The following CNTNAP4 variants were observed in gnomAD, a reference collection of about 807,000 sequenced individuals.
CNTNAP4 encodes the protein contactin associated protein family member 4.
CNTNAP4 carries 98 observed loss-of-function variants against 148.4 expected under a neutral mutation model. That is an observed-to-expected ratio of 0.66 (90% CI 0.56 to 0.78). CNTNAP4 has a LOEUF of 0.78. Among genes scored for constraint, CNTNAP4 ranks in the 30% least tolerant of loss-of-function variants. The probability of loss-of-function intolerance (pLI) is 0.00; values close to 1 mark genes in which losing one functional copy is unlikely to be tolerated. For synonymous variants in CNTNAP4, 730 were observed against 565.1 expected, an observed-to-expected ratio of 1.29 and a Z score of -4.14; for missense variants, 1,935 against 1,565.6, an observed-to-expected ratio of 1.24 and a Z score of -3.98.
At chr16:76,384,100 G>T (rs1388702295) in intron 3 of CNTNAP4, among the ~76,000 whole-genome samples, 1 of 151,974 alleles carries the variant, frequency 6.6e-6, no homozygotes, top group East Asian at 1.9e-4. Flanking sequence ...CTGGAGTGCA[G>T]TGGCACTATC....
At chr16:76,389,788 C>G (rs1412886782) in intron 3 of CNTNAP4, among the ~76,000 whole-genome samples, 1 of 151,996 alleles carries the variant, frequency 6.6e-6, no homozygotes, top group Admixed American at 6.6e-5. Flanking sequence ...TATGGGAACC[C>G]GATCTCAGAA....
intron 3 of CNTNAP4, among the ~76,000 whole-genome samples, chr16:76,380,157 A>G (rs1377180831): frequency 1.3e-5 from 2 of 152,234 alleles, no homozygotes; most frequent in African/African-American, 4.8e-5. Context: ...GGCCCTATGC[A>G]TTTAGAATTA....
chr16:76,314,920 G>A lies in CNTNAP4; in HGVS notation c.86-1493G>A, dbSNP rs184528730. Among the ~76,000 whole-genome samples, 9 of 152,128 alleles carry A rather than the reference G, an allele frequency of 5.9e-5. No homozygotes were observed. The East Asian group carries it at 1.7e-3, about 29-fold the overall frequency. On this transcript the variant is annotated intron_variant, in intron 1 of 23. Transcript: ENST00000611870. Reference sequence around the variant, plus strand: ...ATTTTCATTTTTTTTTGTAAAAGTAGTTTTTTAAACTCATATATGTCCCTA... The same window carrying A: ...ATTTTCATTTTTTTTTGTAAAAGTAATTTTTTAAACTCATATATGTCCCTA...
rs117435513 is a variant in CNTNAP4, at chr16:76,290,983, C to G, written c.85+13236C>G. Among the ~76,000 whole-genome samples, 512 of 152,242 alleles carry G rather than the reference C, an allele frequency of 3.4e-3. 4 individuals carry two copies. The highest frequency in any genetic ancestry group is 0.011 in the Admixed American group (161 of 15,296). On this transcript the variant is annotated intron_variant, in intron 1 of 23. Transcript: ENST00000611870. ...ACATGGGAGAGAGAGAGCGATATCTCTGGTGTCTCTTACTCTTCTTATAAG... is the reference window on the plus strand; with the variant it reads ...ACATGGGAGAGAGAGAGCGATATCTGTGGTGTCTCTTACTCTTCTTATAAG...
intron 15 of CNTNAP4, among the ~76,000 whole-genome samples, chr16:76,512,171 A>G (rs771474101): frequency 1.3e-5 from 2 of 152,174 alleles, no homozygotes; most frequent in South Asian, 2.1e-4. Context: ...GGTAGAAGTC[A>G]GAGAGAAACC....
At chr16:76,419,762 A>C (rs1490634495) in intron 3 of CNTNAP4, among the ~76,000 whole-genome samples, 2 of 152,010 alleles carry the variant, frequency 1.3e-5, no homozygotes, top group Non-Finnish European at 2.9e-5. Flanking sequence ...TGAGGTTGAA[A>C]AGTCCGAGAA....
intron 2 of CNTNAP4, among the ~76,000 whole-genome samples, chr16:76,342,273 A>G (rs1964526749): frequency 6.6e-6 from 1 of 152,142 alleles, no homozygotes; most frequent in Non-Finnish European, 1.5e-5. Context: ...TTAATTTTGC[A>G]AAAGTGATGG....
chr16:76,396,713 C>G (rs1193190552), intron 3 of CNTNAP4, among the ~76,000 whole-genome samples: 2 of 152,188 alleles, frequency 1.3e-5, no homozygotes, highest in Non-Finnish European at 2.9e-5. Flanking sequence ...CATCCTTCAC[C>G]TCATGCCTAC....
intron 1 of CNTNAP4, among the ~76,000 whole-genome samples, chr16:76,291,440 C>A (rs1959111840): frequency 6.6e-6 from 1 of 152,068 alleles, no homozygotes; most frequent in Non-Finnish European, 1.5e-5. Context: ...TGTCTAGGTG[C>A]CTCTAGTACC....
At chr16:76,461,551 T>A (rs1375378102) in intron 8 of CNTNAP4, among the ~76,000 whole-genome samples, 1 of 152,236 alleles carries the variant, frequency 6.6e-6, no homozygotes, top group Non-Finnish European at 1.5e-5. Context: ...TGGTATAGTT[T>A]GCTAAATACT....
chr16:76,542,653 T>C (rs2084512749), intron 21 of CNTNAP4, among the ~76,000 whole-genome samples: 1 of 152,188 alleles, frequency 6.6e-6, no homozygotes, highest in Non-Finnish European at 1.5e-5. Context: ...TCTAAAAACC[T>C]CTTTGCTGAA....
At chr16:76,460,748 T>C (rs2080915608) in intron 8 of CNTNAP4, among the ~76,000 whole-genome samples, 1 of 23,488 alleles carries the variant, frequency 4.3e-5, no homozygotes, top group South Asian at 1.2e-3. Flanking sequence ...GCCAGACTCA[T>C]GTCTCAAAAA....
chr16:76,320,769 A>G (rs1053677719), intron 2 of CNTNAP4, among the ~76,000 whole-genome samples: 1 of 152,168 alleles, frequency 6.6e-6, no homozygotes, highest in Non-Finnish European at 1.5e-5. Context: ...CATCTTTTAT[A>G]GTGTTATAAT....
intron 1 of CNTNAP4, among the ~76,000 whole-genome samples, chr16:76,278,467 C>A (rs960322528): frequency 6.6e-6 from 1 of 152,088 alleles, no homozygotes; most frequent in South Asian, 2.1e-4. Context: ...TGAAATAGAA[C>A]CTATTTAGGG....
chr16:76,447,936 A>G, intron 4 of CNTNAP4, 76 bp from the exon 5 acceptor site: 1 of 1,062,976 alleles, frequency 9.4e-7, no homozygotes. Context: ...CCTTTTCTCA[A>G]TATATAATGC....
At chr16:76,453,814 A>G (rs1351683088) in intron 8 of CNTNAP4, among the ~76,000 whole-genome samples, 5 of 152,170 alleles carry the variant, frequency 3.3e-5, no homozygotes, top group African/African-American at 1.2e-4. Context: ...CGAGAATTCG[A>G]TATTAGTTAT....
intron 1 of CNTNAP4, among the ~76,000 whole-genome samples, chr16:76,311,080 T>C (rs1961053060): frequency 6.6e-6 from 1 of 152,184 alleles, no homozygotes; most frequent in Non-Finnish European, 1.5e-5. Flanking sequence ...ACGTAGCACC[T>C]AATAATATAT....
At chr16:76,290,904 T>G (rs1959087667) in intron 1 of CNTNAP4, among the ~76,000 whole-genome samples, 2 of 152,206 alleles carry the variant, frequency 1.3e-5, no homozygotes, top group African/African-American at 4.8e-5. Context: ...CCTCTCCTCC[T>G]GACTTGCAGA....
intron 3 of CNTNAP4, among the ~76,000 whole-genome samples, chr16:76,360,289 C>A (rs184500667): frequency 1.1e-3 from 166 of 152,202 alleles, no homozygotes; most frequent in Non-Finnish European, 1.7e-3. Context: ...TTATTATCAC[C>A]GTGAATGATT....
Sources: allele counts gnomAD v4.1 joint callset (sites outside exome capture counted in the v4.1 genomes callset), GRCh38; gene constraint gnomAD v4.1.1; transcripts MANE v1.5; gene names NCBI Gene and HGNC (gene_info 2026-07-23, HGNC 2026-07-21).